TUT4: variants seen among roughly 807,000 people sequenced by gnomAD.
TUT4 encodes the protein terminal uridylyltransferase 4.
TUT4 carries 36 observed loss-of-function variants against 192.2 expected under a neutral mutation model. The observed-to-expected ratio is 0.19, with a 90% CI of 0.14 to 0.25. The LOEUF (loss-of-function observed/expected upper bound fraction) is 0.25, where lower values mean the gene tolerates loss of function less well. Ranked by LOEUF, TUT4 falls within the 10% of genes least tolerant of loss-of-function variation. The pLI is 1.00. For missense variants in TUT4, 1,493 were observed against 1,957.2 expected (o/e 0.76, Z 4.47); for synonymous variants, 618 against 666.0 (o/e 0.93, Z 1.11).
intron 3 of TUT4, chr1:52,515,521 G>A (rs1227870235): frequency 9.4e-6 from 3 of 317,748 alleles, no homozygotes; most frequent in Non-Finnish European, 1.7e-5. Flanking sequence ...ATTTCCCATC[G>A]TAGCATGAAA....
chr1:52,453,080 G>A (rs1186506607), intron 20 of TUT4, among the ~76,000 whole-genome samples: 1 of 152,114 alleles, frequency 6.6e-6, no homozygotes, highest in Non-Finnish European at 1.5e-5. Flanking sequence ...TGTTGAGTAA[G>A]AGAATAGAAA....
intron 4 of TUT4, among the ~76,000 whole-genome samples, chr1:52,504,849 G>T (rs1490701729): frequency 1.3e-5 from 2 of 152,038 alleles, no homozygotes; most frequent in Non-Finnish European, 2.9e-5. Flanking sequence ...TTTCTAAAAG[G>T]CTTATTTAAC....
chr1:52,524,811 A>C (rs942658284), intron 2 of TUT4, among the ~76,000 whole-genome samples: 2 of 152,198 alleles, frequency 1.3e-5, no homozygotes, highest in Non-Finnish European at 2.9e-5. Flanking sequence ...TCAGAAAACA[A>C]AAAACAAAAA....
chr1:52,515,621 A>G, intron 3 of TUT4: 1 of 554,626 alleles, frequency 1.8e-6, no homozygotes, highest in Non-Finnish European at 3.2e-6. Flanking sequence ...GTGTATTTTA[A>G]CCCATTCAAA....
chr1:52,468,579 C>T (rs1282818991), intron 14 of TUT4: 1 of 213,616 alleles, frequency 4.7e-6, no homozygotes, highest in East Asian at 1.4e-4. Flanking sequence ...CTTCACTCTC[C>T]CCCATATCCA....
chr1:52,456,974 G>C lies in TUT4; in HGVS notation c.3435+1362C>G, dbSNP rs1661157862. ...ATGTGTGGGTACAGGAGGTATGTTG[G>C]AAACTCTTTACAGTCCTCTCAATTT... On this transcript the variant is annotated intron_variant, in intron 20 of 29. Transcript: ENST00000257177. Among the ~76,000 whole-genome samples, 4 of 152,178 alleles carry C rather than the reference G, an allele frequency of 2.6e-5. No individual in the cohort carries two copies. In the South Asian group the frequency reaches 8.3e-4, roughly 32 times the overall value.
In TUT4 at chr1:52,520,533, C is replaced by T. The variant is rs534380954; in HGVS notation, c.719-4479G>A. 2.6e-5 allele frequency among the ~76,000 whole-genome samples: 4 copies of T among 152,296 alleles called. No homozygotes were observed. The South Asian group carries it at 6.2e-4, about 24-fold the overall frequency. On this transcript the variant is annotated intron_variant, in intron 2 of 29. Coordinates refer to ENST00000257177, the MANE Select transcript of TUT4 (RefSeq NM_001009881.3). ...GAATCAAAACACTCTGGAAATGAGA[C>T]CCAAGACTCTGCATTTTAATATGAA... is the stretch of plus-strand genomic sequence containing the variant.
chr1:52,456,641 C>G (rs1661067283), intron 20 of TUT4, among the ~76,000 whole-genome samples: 1 of 151,766 alleles, frequency 6.6e-6, no homozygotes, highest in Non-Finnish European at 1.5e-5. Flanking sequence ...CTGGAAAAGT[C>G]AAAACTATGA....
At chr1:52,429,026 G>A (rs1651030622) in intron 28 of TUT4, among the ~76,000 whole-genome samples, 1 of 151,842 alleles carries the variant, frequency 6.6e-6, no homozygotes, top group South Asian at 2.1e-4. Flanking sequence ...AATGGGGAGG[G>A]GGGTTCATTA....
intron 1 of TUT4, among the ~76,000 whole-genome samples, chr1:52,548,286 T>G (rs1217987586): frequency 6.6e-6 from 1 of 152,136 alleles, no homozygotes; most frequent in Admixed American, 6.5e-5. Flanking sequence ...TAGTGTTAGT[T>G]AAATATTTAA....
chr1:52,496,517 T>A lies in TUT4; in HGVS notation c.1177+489A>T, dbSNP rs192366831. Among the ~76,000 whole-genome samples, 634 of 152,208 alleles carry A rather than the reference T, an allele frequency of 4.2e-3. 4 individuals carry two copies. The highest frequency in any genetic ancestry group is 5.9e-3 in the Non-Finnish European group (400 of 67,972). On this transcript the variant is annotated intron_variant, in intron 5 of 29. Coordinates refer to ENST00000257177, the MANE Select transcript of TUT4 (RefSeq NM_001009881.3). Reference sequence around the variant, plus strand: ...AGATACATTTACTTTAACCCTATACTGATGCAAAAAAGATATGGGCTAAGC... The same window carrying A: ...AGATACATTTACTTTAACCCTATACAGATGCAAAAAAGATATGGGCTAAGC...
At position 52,436,791 on chromosome 1, in the gene TUT4, C is replaced by T. The variant is rs146246594; in HGVS notation, c.4126G>A (p.Val1376Ile). 1.4e-5 allele frequency: 23 copies of T among 1,613,804 alleles called. 1 individual carries two copies. The East Asian group carries it at 4.7e-4, about 33-fold the overall frequency. ...CTATTCCTCTGACGGGCCAGCTTGACCTCTGGGCACTCCCTTCGTACATGT... is the reference window on the plus strand; with the variant it reads ...CTATTCCTCTGACGGGCCAGCTTGATCTCTGGGCACTCCCTTCGTACATGT... ...AGHVRRECPE[V>I]KLARQRNSSV... Residue 1376 changes from valine to isoleucine, a missense_variant, in exon 26 of 30, where the codon GTC (valine) becomes ATC (isoleucine). This residue lies in a region of TUT4 where 351 missense variants were observed against 397.8 expected (regional missense o/e 0.88). Transcript: ENST00000257177.
intron 7 of TUT4, among the ~76,000 whole-genome samples, chr1:52,491,671 C>A (rs564290895): frequency 1.3e-5 from 2 of 151,924 alleles, no homozygotes; most frequent in African/African-American, 4.8e-5. Flanking sequence ...TCAGCCTGAG[C>A]GAGACTCCAT....
intron 1 of TUT4, among the ~76,000 whole-genome samples, chr1:52,551,972 C>G (rs552046101): frequency 1.3e-5 from 2 of 152,326 alleles, no homozygotes; most frequent in East Asian, 3.9e-4. Flanking sequence ...CAACAATACA[C>G]AATTCGAATT....
intron 3 of TUT4, among the ~76,000 whole-genome samples, chr1:52,513,156 G>A (rs1284135016): frequency 6.7e-6 from 1 of 148,502 alleles, no homozygotes; most frequent in Non-Finnish European, 1.5e-5. Context: ...GAATTTGCCC[G>A]AGCACTGTGG....
chr1:52,515,797 T>C, intron 3 of TUT4, 94 bp downstream of exon 3: 1 of 1,457,474 alleles, frequency 6.9e-7, no homozygotes, highest in Non-Finnish European at 9.5e-7. Context: ...AACCTCTGTC[T>C]TATGAATAAA....
chr1:52,453,117 G>A (rs1017057070), intron 20 of TUT4, among the ~76,000 whole-genome samples: 4 of 152,130 alleles, frequency 2.6e-5, no homozygotes, highest in Non-Finnish European at 5.9e-5. Context: ...GGGCGTGGGG[G>A]CTCAGGCCTG....
intron 26 of TUT4, among the ~76,000 whole-genome samples, chr1:52,436,470 G>A (rs1653832580): frequency 6.6e-6 from 1 of 152,156 alleles, no homozygotes; most frequent in African/African-American, 2.4e-5. Context: ...TGGGTAACAA[G>A]AGCGAGACTC....
intron 27 of TUT4, chr1:52,435,128 G>T: frequency 3.3e-6 from 1 of 305,038 alleles, no homozygotes; most frequent in East Asian, 5.4e-5. Context: ...GGTAGTTATT[G>T]TACAATTGAA....
Sources: allele counts gnomAD v4.1 joint callset (sites outside exome capture counted in the v4.1 genomes callset), GRCh38; gene constraint gnomAD v4.1.1; regional missense constraint gnomAD v4.1.1; transcripts MANE v1.5; gene names NCBI Gene and HGNC (gene_info 2026-07-23, HGNC 2026-07-21).